The following DPP10 variants were observed in gnomAD, a reference collection of about 807,000 sequenced individuals.
DPP10 encodes dipeptidyl peptidase like 10.
DPP10 carries 33 observed loss-of-function variants against 120.9 expected under a neutral mutation model. The observed-to-expected ratio is 0.27, with a 90% CI of 0.21 to 0.37. The LOEUF (loss-of-function observed/expected upper bound fraction) is 0.37. DPP10 is among the 10% of genes least tolerant of loss of function. The pLI, the probability that DPP10 is intolerant of heterozygous loss-of-function variation, is 1.00. For synonymous variants in DPP10, 337 were observed against 326.1 expected (o/e 1.03, Z -0.36); for missense variants, 816 against 942.8 (o/e 0.87, Z 1.76).
intron 1 of DPP10, among the ~76,000 whole-genome samples, chr2:115,005,048 G>A (rs899750265): frequency 6.6e-6 from 1 of 151,772 alleles, no homozygotes; most frequent in African/African-American, 2.4e-5. Flanking sequence ...CTCCTCAAGT[G>A]GGTCCCTGAC....
rs1381244234 is a variant in DPP10 at position 115,344,103 on chromosome 2, T to C, written c.271+191T>C. On this transcript the variant is annotated intron_variant, in intron 3 of 25. Transcript: ENST00000410059. ...GTGAGCCGAGATCGCACCACTGCAC[T>C]CCAACCTGGGTGACAGAGCGAGACT... 5.5e-5 allele frequency among the ~76,000 whole-genome samples: 7 copies of C among 128,406 alleles called. No individual in the cohort carries two copies. The Admixed American group carries it at 5.8e-4, about 11-fold the overall frequency. 84.2% of individuals were successfully genotyped at this position (128,406 alleles called of 152,430 possible). A position where few individuals can be genotyped will look rare whatever the true frequency, so the allele number is the denominator to read the frequency against.
Position 115,008,457 on chromosome 2 carries a change from C to T in DPP10, c.61-300782C>T, listed in dbSNP as rs1702019955. 3.7e-5 allele frequency among the ~76,000 whole-genome samples: 5 copies of T among 135,590 alleles called. No homozygotes were observed. The South Asian group carries it at 9.9e-4, about 27-fold the overall frequency. The allele number at this position is 135,590 out of a possible 152,430, so 89.0% of individuals were successfully genotyped here. On this transcript the variant is annotated intron_variant, in intron 1 of 25. Transcript: ENST00000410059. ...ATGGATTAAAGACTTACATGTTAGA[C>T]CTAAAACCATAAAAACCCTAGAAGA...
At chr2:114,785,056 C>G (rs553962804) in intron 1 of DPP10, among the ~76,000 whole-genome samples, 5 of 152,284 alleles carry the variant, frequency 3.3e-5, no homozygotes, top group Non-Finnish European at 5.9e-5. Context: ...CTTGTTGGCT[C>G]TCTAGGGAAA....
intron 1 of DPP10, among the ~76,000 whole-genome samples, chr2:114,556,902 G>A (rs986357718): frequency 3.9e-5 from 6 of 151,916 alleles, no homozygotes; most frequent in South Asian, 2.1e-4. Context: ...TACAGTTACC[G>A]ATTACCTTTA....
intron 1 of DPP10, among the ~76,000 whole-genome samples, chr2:114,933,594 T>G (rs548579528): frequency 1.3e-5 from 2 of 152,186 alleles, no homozygotes; most frequent in Non-Finnish European, 2.9e-5. Flanking sequence ...TGCAGTTGAT[T>G]GACTAAATTT....
chr2:114,770,459 T>TG (rs1681149891), intron 1 of DPP10, among the ~76,000 whole-genome samples: 1 of 152,134 alleles, frequency 6.6e-6, no homozygotes, highest in Admixed American at 6.6e-5. Context: ...ACATGAGAAA[T>TG]GGGGACATTC....
At chr2:114,755,007 G>C (rs2106066857) in intron 1 of DPP10, among the ~76,000 whole-genome samples, 1 of 152,248 alleles carries the variant, frequency 6.6e-6, no homozygotes, top group South Asian at 2.1e-4. Context: ...TAAAGATTAT[G>C]AAGACAGAAC....
At chr2:114,639,761 A>G (rs1695569194) in intron 1 of DPP10, among the ~76,000 whole-genome samples, 2 of 152,028 alleles carry the variant, frequency 1.3e-5, no homozygotes, top group South Asian at 4.1e-4. Context: ...AAAAGATACT[A>G]GACAATTTAT....
intron 1 of DPP10, among the ~76,000 whole-genome samples, chr2:114,983,655 G>A (rs1700225753): frequency 6.6e-6 from 1 of 152,130 alleles, no homozygotes; most frequent in Non-Finnish European, 1.5e-5. Context: ...CTATTGAGTA[G>A]CAGACTGCCA....
chr2:114,714,003 T>G (rs10175551), intron 1 of DPP10, among the ~76,000 whole-genome samples: 441 of 149,172 alleles, frequency 3.0e-3, no homozygotes, highest in African/African-American at 9.9e-3. Flanking sequence ...AAGAAAAAAA[T>G]AAAATAATAA....
At chr2:114,526,796 A>G (rs1685538412) in intron 1 of DPP10, among the ~76,000 whole-genome samples, 1 of 152,114 alleles carries the variant, frequency 6.6e-6, no homozygotes, top group African/African-American at 2.4e-5. Context: ...ACCTCCCCAA[A>G]GCCCCCATCT....
Position 114,575,195 on chromosome 2 carries a change from C to T in DPP10, c.60+132357C>T, listed in dbSNP as rs566571333. On this transcript the variant is annotated intron_variant, in intron 1 of 25. Transcript: ENST00000410059. Reference sequence around the variant, plus strand: ...TGGTGTGCAATTTAGGAGAGAAAACCGAAGAAGAAGGAAGCAAAAGAAAAA... The same window carrying T: ...TGGTGTGCAATTTAGGAGAGAAAACTGAAGAAGAAGGAAGCAAAAGAAAAA... Among the ~76,000 whole-genome samples, 20 of 151,596 alleles carry T rather than the reference C, an allele frequency of 1.3e-4. No homozygotes were observed. In the South Asian group the frequency reaches 3.8e-3, roughly 28 times the overall value.
At chr2:115,710,327 A>G (rs1475720861) in intron 7 of DPP10, among the ~76,000 whole-genome samples, 1 of 152,130 alleles carries the variant, frequency 6.6e-6, no homozygotes, top group African/African-American at 2.4e-5. Flanking sequence ...AAATGACAGT[A>G]TGGGGGTATG....
chr2:114,565,222 G>C (rs1689104323), intron 1 of DPP10, among the ~76,000 whole-genome samples: 1 of 152,154 alleles, frequency 6.6e-6, no homozygotes, highest in Non-Finnish European at 1.5e-5. Context: ...TAGAGCATTA[G>C]CTCTTGTATT....
At chr2:115,381,774 C>G (rs1054005784) in intron 3 of DPP10, among the ~76,000 whole-genome samples, 6 of 151,828 alleles carry the variant, frequency 4.0e-5, no homozygotes, top group African/African-American at 9.7e-5. Flanking sequence ...TTTTAACAGA[C>G]ACAACCCTCA....
chr2:115,451,241 C>A (rs1224552357), intron 3 of DPP10, among the ~76,000 whole-genome samples: 4 of 151,824 alleles, frequency 2.6e-5, no homozygotes, highest in African/African-American at 9.7e-5. Context: ...AAAAGTATTC[C>A]ATTATTAAGG....
chr2:115,771,566 T>C (rs1464387179), intron 13 of DPP10, among the ~76,000 whole-genome samples: 3 of 152,244 alleles, frequency 2.0e-5, no homozygotes, highest in African/African-American at 4.8e-5. Context: ...TAGGTTTTGA[T>C]GTGTAATGCC....
chr2:115,215,033 C>T (rs2056736573), intron 1 of DPP10, among the ~76,000 whole-genome samples: 3 of 152,140 alleles, frequency 2.0e-5, no homozygotes, highest in African/African-American at 7.2e-5. Flanking sequence ...GCTCCATTAC[C>T]CAATAGGTTT....
At chr2:115,821,270 A>G (rs1177103502) in intron 21 of DPP10, among the ~76,000 whole-genome samples, 2 of 152,126 alleles carry the variant, frequency 1.3e-5, no homozygotes. Flanking sequence ...TTTTAAGGCT[A>G]TTATTATTCA....
Sources: gnomAD v4.1 joint callset for allele counts (sites outside exome capture counted in the v4.1 genomes callset) on GRCh38, gnomAD v4.1.1 for gene constraint, MANE v1.5 for transcripts, NCBI Gene and HGNC (gene_info 2026-07-23, HGNC 2026-07-21) for gene names.